The following MYO9A variants were observed in gnomAD, a reference collection of about 807,000 sequenced individuals.
MYO9A encodes myosin IXA, also known as unconventional myosin-IXa.
A neutral mutation model predicts 293.3 loss-of-function variants in MYO9A; 103 were observed. That is an observed-to-expected ratio of 0.35 (90% CI 0.30 to 0.41). MYO9A has a LOEUF of 0.41. MYO9A is among the 10% of genes least tolerant of loss of function. MYO9A has a pLI of 1.00. For missense variants in MYO9A, 2,685 were observed against 3,033.0 expected (o/e 0.89, Z 2.69); for synonymous variants, 1,001 against 1,035.7 (o/e 0.97, Z 0.64).
intron 19 of MYO9A, among the ~76,000 whole-genome samples, chr15:71,907,904 C>A (rs1456284266): frequency 2.6e-5 from 4 of 152,158 alleles, no homozygotes; most frequent in Non-Finnish European, 5.9e-5. Flanking sequence ...TGCCTGTTCA[C>A]TCTGATGGTA....
intron 19 of MYO9A, among the ~76,000 whole-genome samples, chr15:71,910,686 GTGGTATTAAT>G (rs2057819312): frequency 6.6e-6 from 1 of 152,140 alleles, no homozygotes; most frequent in African/African-American, 2.4e-5. Flanking sequence ...GTATTGCTTT[GTGGTATTAAT>G]TGGCATTTCC....
chr15:71,973,554 A>G (rs940433509), intron 12 of MYO9A, among the ~76,000 whole-genome samples: 7 of 152,136 alleles, frequency 4.6e-5, no homozygotes, highest in African/African-American at 1.7e-4. Flanking sequence ...CAGCCAGCAT[A>G]GTGGACTGGA....
At chr15:72,101,688 T>G (rs1459953739) in intron 1 of MYO9A, among the ~76,000 whole-genome samples, 101 of 34,722 alleles carry the variant, frequency 2.9e-3, no homozygotes, top group Admixed American at 3.6e-3. Flanking sequence ...GGGAGGGAGG[T>G]GGGGGGGGTC....
Position 71,945,666 on chromosome 15 carries a change from C to T in MYO9A, c.2302+6111G>A, listed in dbSNP as rs557577066. On this transcript the variant is annotated intron_variant, in intron 15 of 41. Transcript: ENST00000356056. Reference sequence around the variant, plus strand: ...TTTCCTTAAATAGGAAGTGTGATTCCTTCACACTTCCTATATTAATGAATT... The same window carrying T: ...TTTCCTTAAATAGGAAGTGTGATTCTTTCACACTTCCTATATTAATGAATT... 7.2e-5 allele frequency among the ~76,000 whole-genome samples: 11 copies of T among 152,024 alleles called. No individual in the cohort carries two copies. In the South Asian group the frequency reaches 1.5e-3, roughly 20 times the overall value.
intron 18 of MYO9A, among the ~76,000 whole-genome samples, chr15:71,917,473 T>A (rs2058041613): frequency 6.6e-6 from 1 of 152,110 alleles, no homozygotes; most frequent in African/African-American, 2.4e-5. Flanking sequence ...AGGCAGAGGC[T>A]GCAGCGAGCC....
chr15:71,954,218 T>C (rs1034975619), intron 14 of MYO9A, among the ~76,000 whole-genome samples: 4 of 151,800 alleles, frequency 2.6e-5, no homozygotes, highest in Non-Finnish European at 5.9e-5. Flanking sequence ...TTTCTTTTTT[T>C]AAGATGGAGT....
At chr15:71,914,290 A>C (rs989774064) in intron 19 of MYO9A, among the ~76,000 whole-genome samples, 1 of 152,190 alleles carries the variant, frequency 6.6e-6, no homozygotes, top group Non-Finnish European at 1.5e-5. Context: ...GGAGTCCCGT[A>C]ATGCTTACTA....
At position 71,991,132 on chromosome 15, in the gene MYO9A, A is replaced by T. The variant is rs1191486538; in HGVS notation, c.1693T>A (p.Phe565Ile). The change falls in exon 11 of 42, where the codon TTT becomes ATT. Residue 565 changes from phenylalanine (F) to isoleucine (I), a missense_variant. Coordinates refer to ENST00000356056, the MANE Select transcript of MYO9A (RefSeq NM_006901.4). ...NFANERLQHY[F>I]NQHIFKLEQE... is the part of the protein sequence containing the mutation. Reference sequence around the variant, plus strand: ...TCCAATTTAAAGATATGCTGATTAAAGTAGTGCTGTAAACGTTCATTAGCA... The same window carrying T: ...TCCAATTTAAAGATATGCTGATTAATGTAGTGCTGTAAACGTTCATTAGCA... The T allele has an allele frequency of 6.2e-7, 1 of 1,607,692 alleles. No homozygotes were observed. The highest frequency in any genetic ancestry group is 8.5e-7 in the Non-Finnish European group (1 of 1,177,550).
chr15:71,865,791 A>G (rs752323984), intron 32 of MYO9A, among the ~76,000 whole-genome samples: 77 of 152,344 alleles, frequency 5.1e-4, no homozygotes, highest in Non-Finnish European at 8.8e-4. Context: ...CGTAGTTAAA[A>G]TGGCTAAATA....
chr15:71,875,195 T>C (rs2056645931), intron 32 of MYO9A, among the ~76,000 whole-genome samples: 1 of 152,028 alleles, frequency 6.6e-6, no homozygotes. Context: ...TGATGTTGTG[T>C]ATATGATGTA....
At chr15:72,043,063 T>C (rs2078273443) in intron 2 of MYO9A, among the ~76,000 whole-genome samples, 1 of 151,914 alleles carries the variant, frequency 6.6e-6, no homozygotes, top group East Asian at 1.9e-4. Context: ...AGGGAGACCT[T>C]GTCTCAAAAA....
At position 71,883,676 on chromosome 15, in the gene MYO9A, G is replaced by A. The variant is rs759669719; in HGVS notation, c.5316C>T (p.Thr1772=). Residue 1772 remains threonine (T), a synonymous_variant, in exon 28 of 42, where the codon ACC becomes ACT. Transcript: ENST00000356056. ...CTGACTGGGTAGTAGGTTTCACTCT[G>A]GTAGTCTTCTTCTCCCCTTGTTTCC... ...AKGKQGEKKT[T]RVKPTTQSEV... is the part of the protein sequence containing the mutation. The A allele has an allele frequency of 3.1e-6, 5 of 1,613,142 alleles. No homozygotes were observed. In the African/African-American group the frequency reaches 6.7e-5, roughly 22 times the overall value.
chr15:71,944,060 C>T (rs955202303), intron 15 of MYO9A, among the ~76,000 whole-genome samples: 4 of 152,004 alleles, frequency 2.6e-5, no homozygotes, highest in African/African-American at 4.8e-5. Flanking sequence ...CCACTATAGA[C>T]GTATTAGTGA....
chr15:72,075,441 T>A (rs941800811), intron 1 of MYO9A, among the ~76,000 whole-genome samples: 3 of 151,906 alleles, frequency 2.0e-5, no homozygotes, highest in Non-Finnish European at 4.4e-5. Flanking sequence ...TATTATTATG[T>A]ATAATCTTAT....
At chr15:71,978,029 T>G (rs1439349805) in intron 12 of MYO9A, 142 bp downstream of exon 12, 1 of 931,140 alleles carries the variant, frequency 1.1e-6, no homozygotes, top group Non-Finnish European at 1.6e-6. Context: ...AGATCAAGAC[T>G]CCGTCTCAAA....
In MYO9A at chr15:71,878,129, A is replaced by G. The variant is rs2056750417; in HGVS notation, c.5842T>C (p.Ser1948Pro). The change falls in exon 31 of 42, where the codon TCT becomes CCT. Residue 1948 changes from serine (S) to proline (P), a missense_variant. Physicochemically the swap from Ser to Pro is moderately conservative, Grantham distance 74 (BLOSUM62 -1). Around this residue, in one of 10 missense-constraint regions of MYO9A, gnomAD observed 1,434 missense variants for 1,497.7 expected, o/e 0.96. Coordinates refer to ENST00000356056, the MANE Select transcript of MYO9A (RefSeq NM_006901.4). ...GTGTTGACCCAAACTCTCACTGGAG[A>G]TTCACCCAGTGAATCACGCTGCTCA... ...RLEQRDSLGESPVRVWVNTFK... is the reference protein window; with the variant it reads ...RLEQRDSLGEPPVRVWVNTFK... The G allele has an allele frequency of 6.2e-7, 1 of 1,611,782 alleles. No homozygotes were observed. The highest frequency in any genetic ancestry group is 8.5e-7 in the Non-Finnish European group (1 of 1,178,672).
intron 19 of MYO9A, 85 bp from the exon 20 acceptor site, chr15:71,905,091 A>T: frequency 8.5e-7 from 1 of 1,169,884 alleles, no homozygotes; most frequent in Non-Finnish European, 1.2e-6. Context: ...ACATGCTGGC[A>T]AAACATTCAA....
At chr15:71,935,509 G>A in intron 16 of MYO9A, 25 bp from the exon 17 acceptor site, 2 of 1,606,428 alleles carry the variant, frequency 1.2e-6, no homozygotes, top group Non-Finnish European at 8.5e-7. Flanking sequence ...ATTTGCTTTA[G>A]TTAATGAAGA....
chr15:71,960,338 G>C (rs542778259), intron 13 of MYO9A: 17 of 459,752 alleles, frequency 3.7e-5, no homozygotes, highest in Non-Finnish European at 5.8e-5. Flanking sequence ...CCAAAATCTG[G>C]TTATTTAAAA....
Sources: gnomAD v4.1 joint callset for allele counts (sites outside exome capture counted in the v4.1 genomes callset) on GRCh38, gnomAD v4.1.1 for gene constraint, gnomAD v4.1.1 regional missense constraint, MANE v1.5 for transcripts, NCBI Gene and HGNC (gene_info 2026-07-23, HGNC 2026-07-21) for gene names.